Variants in OSBPL9 observed in about 807,000 individuals in gnomAD.
OSBPL9 encodes the protein oxysterol-binding protein-related protein 9.
Under a neutral mutation model 106.6 loss-of-function variants are expected in OSBPL9, and 40 were observed. The ratio of observed to expected loss-of-function variants is 0.38; its 90% CI spans 0.29 to 0.49. The LOEUF (loss-of-function observed/expected upper bound fraction) is 0.49. OSBPL9 is among the 20% of genes least tolerant of loss of function. The pLI is 0.97. For synonymous variants in OSBPL9, 269 were observed against 295.4 expected, an observed-to-expected ratio of 0.91 and a Z score of 0.92; for missense variants, 609 against 887.2, an observed-to-expected ratio of 0.69 and a Z score of 3.98.
At chr1:51,546,764 A>G in the OSBPL9 span, among the ~76,000 whole-genome samples, 1 of 152,110 alleles carries the variant, frequency 6.6e-6, no homozygotes, top group Non-Finnish European at 1.5e-5. Context: ...AAAATACGCA[A>G]CACACAAAAC....
intron 9 of OSBPL9, chr1:51,757,103 G>C (rs184037653): frequency 1.3e-5 from 2 of 152,244 alleles, no homozygotes; most frequent in East Asian, 3.9e-4. Flanking sequence ...ACAAATGCCA[G>C]CTTGTCTGAG....
At chr1:51,740,404 AT>A (rs976610386) in intron 4 of OSBPL9, among the ~76,000 whole-genome samples, 23 of 152,080 alleles carry the variant, frequency 1.5e-4, no homozygotes, top group South Asian at 8.3e-4. Flanking sequence ...TTAAAAAAAA[AT>A]GTCTGCTTTT....
chr1:51,750,906 A>G (rs535666148), intron 8 of OSBPL9, among the ~76,000 whole-genome samples: 86 of 152,338 alleles, frequency 5.6e-4, no homozygotes, highest in African/African-American at 2.0e-3. Context: ...GAATGAGTTT[A>G]TAATTACTCA....
intron 3 of OSBPL9, among the ~76,000 whole-genome samples, chr1:51,710,811 G>C (rs926364817): frequency 6.6e-6 from 1 of 152,006 alleles, no homozygotes; most frequent in African/African-American, 2.4e-5. Context: ...TATATCTTTG[G>C]TTTGCAGTAT....
At chr1:51,662,797 T>G (rs1176797421) in intron 2 of OSBPL9, among the ~76,000 whole-genome samples, 2 of 145,592 alleles carry the variant, frequency 1.4e-5, no homozygotes, top group African/African-American at 2.6e-5. Context: ...CAGGGTGGAG[T>G]GCAGTGGCGT....
intron 1 of OSBPL9, among the ~76,000 whole-genome samples, chr1:51,578,512 C>A (rs529904584): frequency 2.0e-5 from 3 of 152,206 alleles, no homozygotes; most frequent in Non-Finnish European, 4.4e-5. Context: ...CCAGAATGAC[C>A]CTTTAGTGGT....
chr1:51,547,799 C>A, the OSBPL9 span, among the ~76,000 whole-genome samples: 1 of 151,752 alleles, frequency 6.6e-6, no homozygotes, highest in African/African-American at 2.4e-5. Context: ...TGCAGGGAGC[C>A]AAGATTGCAC....
chr1:51,660,851 G>T (rs1337701883), intron 2 of OSBPL9, among the ~76,000 whole-genome samples: 1 of 152,136 alleles, frequency 6.6e-6, no homozygotes, highest in Admixed American at 6.6e-5. Flanking sequence ...CCCAGAATAG[G>T]TATTTAATAA....
At position 51,596,560 on chromosome 1, in the gene OSBPL9, CAAAA is replaced by C. The variant is rs1181151999; in HGVS notation, c.-422-1548_-422-1545del. Among the ~76,000 whole-genome samples, 21 of 28,782 alleles carry C rather than the reference CAAAA, an allele frequency of 7.3e-4. No homozygotes were observed. The East Asian group carries it at 0.02, about 27-fold the overall frequency. 18.9% of individuals were successfully genotyped at this position (28,782 alleles called of 152,430 possible). ...GGCGAGAAGAGTGAAACTCTTGTCG[CAAAA>C]AAAAAAAAAAAAAAAGACCAGCCTG... is the stretch of plus-strand genomic sequence containing the variant. On this transcript the variant is annotated intron_variant, in intron 1 of 25. Coordinates refer to the OSBPL9 transcript ENST00000371714.
chr1:51,533,538 A>G, the OSBPL9 span, among the ~76,000 whole-genome samples: 1 of 151,552 alleles, frequency 6.6e-6, no homozygotes, highest in African/African-American at 2.4e-5. Context: ...AAAAGAGGGA[A>G]GTAGATGAAA....
At chr1:51,638,097 T>C (rs1645567039) in intron 1 of OSBPL9, among the ~76,000 whole-genome samples, 2 of 152,176 alleles carry the variant, frequency 1.3e-5, no homozygotes, top group Non-Finnish European at 2.9e-5. Flanking sequence ...GGCAGCCTTG[T>C]TCCCAGGATC....
chr1:51,714,713 C>T (rs920108376), intron 4 of OSBPL9, among the ~76,000 whole-genome samples: 9 of 152,198 alleles, frequency 5.9e-5, no homozygotes, highest in African/African-American at 1.2e-4. Flanking sequence ...TTTTTGGAAC[C>T]GAGTCCATAG....
At chr1:51,762,288 T>C (rs1571617518) in intron 11 of OSBPL9, among the ~76,000 whole-genome samples, 1 of 152,030 alleles carries the variant, frequency 6.6e-6, no homozygotes, top group East Asian at 1.9e-4. Flanking sequence ...GGCCTCAGGC[T>C]CCCAAGTAGC....
intron 4 of OSBPL9, among the ~76,000 whole-genome samples, chr1:51,718,806 TTTC>T (rs1661538009): frequency 6.6e-6 from 1 of 152,228 alleles, no homozygotes; most frequent in African/African-American, 2.4e-5. Flanking sequence ...AAATGAAGGC[TTTC>T]TTCTTCAACA....
upstream of OSBPL9, among the ~76,000 whole-genome samples, chr1:51,573,365 G>A (rs938229254): frequency 2.0e-5 from 3 of 151,460 alleles, no homozygotes; most frequent in African/African-American, 4.9e-5. Context: ...AAAATTAGCC[G>A]GGCATGGTAG....
At chr1:51,643,217 G>T (rs905658684) in intron 1 of OSBPL9, among the ~76,000 whole-genome samples, 1 of 152,164 alleles carries the variant, frequency 6.6e-6, no homozygotes, top group African/African-American at 2.4e-5. Context: ...CTATTCATGA[G>T]GACGGAGGGA....
At position 51,586,064 on chromosome 1, in the gene OSBPL9, C is replaced by T. The variant is rs1297432299; in HGVS notation, c.-423+8808C>T. Reference sequence around the variant, plus strand: ...TGGCGCACACCTGTAATCACAGCTACTCAGGAGGCTGAGGCATGAGAATCA... The same window carrying T: ...TGGCGCACACCTGTAATCACAGCTATTCAGGAGGCTGAGGCATGAGAATCA... On this transcript the variant is annotated intron_variant, in intron 1 of 25. Transcript: ENST00000371714. 3.3e-5 allele frequency among the ~76,000 whole-genome samples: 5 copies of T among 151,376 alleles called. No homozygotes were observed. The South Asian group carries it at 1.0e-3, about 32-fold the overall frequency.
At chr1:51,628,474 G>A (rs1334890189) in intron 1 of OSBPL9, among the ~76,000 whole-genome samples, 1 of 151,502 alleles carries the variant, frequency 6.6e-6, no homozygotes, top group Admixed American at 6.6e-5. Context: ...ATTTCAATAC[G>A]TTGGGAGGCT....
intron 17 of OSBPL9, among the ~76,000 whole-genome samples, chr1:51,783,245 A>G (rs1042678441): frequency 3.3e-5 from 5 of 152,058 alleles, no homozygotes; most frequent in African/African-American, 1.2e-4. Flanking sequence ...CAGTGGCACA[A>G]TCATAGCTCA....
Sources: gnomAD v4.1 joint callset for allele counts (sites outside exome capture counted in the v4.1 genomes callset) on GRCh38, gnomAD v4.1.1 for gene constraint, MANE v1.5 for transcripts, NCBI Gene and HGNC (gene_info 2026-07-23, HGNC 2026-07-21) for gene names.